NXPE2: variants seen among roughly 807,000 people sequenced by gnomAD.
The protein encoded by NXPE2 is NXPE family member 2.
In NXPE2, 34 loss-of-function variants were observed where a neutral mutation model predicts 34.4. The observed-to-expected ratio is 0.99, with a 90% confidence interval of 0.75 to 1.31. The LOEUF is 1.31. NXPE2 is among the 40% of genes most tolerant of loss of function. The pLI, the probability that NXPE2 is intolerant of heterozygous loss-of-function variation, is 0.00. For synonymous variants in NXPE2, 235 were observed against 231.3 expected (o/e 1.02, Z -0.15); for missense variants, 649 against 672.5 (o/e 0.97, Z 0.39).
At chr11:114,582,750 A>G in the NXPE2 span, 1 of 1,613,870 alleles carries the variant, frequency 6.2e-7, no homozygotes, top group Non-Finnish European at 8.5e-7. Flanking sequence ...GTGGTCCCTC[A>G]CCTCCAGCAG....
At chr11:114,496,597 C>A in the NXPE2 span, among the ~76,000 whole-genome samples, 3 of 152,118 alleles carry the variant, frequency 2.0e-5, no homozygotes, top group Admixed American at 1.3e-4. Flanking sequence ...ACCTCCTCAA[C>A]ATTTTGTTTT....
chr11:114,522,130 A>G, the NXPE2 span: 5 of 1,614,102 alleles, frequency 3.1e-6, no homozygotes, highest in Non-Finnish European at 4.2e-6. Context: ...GAATATAACC[A>G]TGGAAGTCTC....
At chr11:114,527,841 G>C in the NXPE2 span, 1 of 1,603,308 alleles carries the variant, frequency 6.2e-7, no homozygotes, top group Non-Finnish European at 8.5e-7. Context: ...CCAACTTACT[G>C]TTACAATTAG....
At chr11:114,601,812 TA>T in the NXPE2 span, among the ~76,000 whole-genome samples, 72 of 73,922 alleles carry the variant, frequency 9.7e-4, 1 homozygote, top group East Asian at 0.014. Context: ...ATATATTATA[TA>T]ATTATATATA....
chr11:114,732,905 C>T, the NXPE2 span, among the ~76,000 whole-genome samples: 2 of 152,200 alleles, frequency 1.3e-5, no homozygotes, highest in South Asian at 2.1e-4. Context: ...GCATAACCTA[C>T]TTTCTTAGTT....
At chr11:114,557,262 G>A in the NXPE2 span, among the ~76,000 whole-genome samples, 8 of 151,876 alleles carry the variant, frequency 5.3e-5, no homozygotes, top group African/African-American at 1.9e-4. Context: ...CATTTAGCTT[G>A]TTATAAAAAC....
At chr11:114,745,243 G>A in the NXPE2 span, among the ~76,000 whole-genome samples, 1 of 152,142 alleles carries the variant, frequency 6.6e-6, no homozygotes, top group Non-Finnish European at 1.5e-5. Flanking sequence ...TCTGCAGGCT[G>A]TACAAGAAGC....
At chr11:114,663,640 C>T in the NXPE2 span, among the ~76,000 whole-genome samples, 1 of 120,060 alleles carries the variant, frequency 8.3e-6, no homozygotes. Context: ...TATCTATCAT[C>T]TATCCATCTA....
the NXPE2 span, among the ~76,000 whole-genome samples, chr11:114,744,759 C>T: frequency 1.2e-4 from 18 of 152,156 alleles, no homozygotes; most frequent in African/African-American, 4.1e-4. Context: ...GCAGTGTTTG[C>T]ACCACTGCAC....
chr11:114,608,455 A>C, the NXPE2 span, among the ~76,000 whole-genome samples: 2 of 149,984 alleles, frequency 1.3e-5, no homozygotes, highest in African/African-American at 2.5e-5. Context: ...TGTTACTCAG[A>C]GGATAGTAAG....
At chr11:114,491,550 C>T in the NXPE2 span, among the ~76,000 whole-genome samples, 4 of 152,144 alleles carry the variant, frequency 2.6e-5, no homozygotes, top group African/African-American at 9.7e-5. Context: ...AACACTTTTA[C>T]GTTGTTGGTG....
the NXPE2 span, among the ~76,000 whole-genome samples, chr11:114,525,413 C>T: frequency 6.6e-6 from 1 of 152,014 alleles, no homozygotes; most frequent in Non-Finnish European, 1.5e-5. Flanking sequence ...ACTAGGCTGA[C>T]CCACTCTAAG....
chr11:114,607,492 C>A, the NXPE2 span, among the ~76,000 whole-genome samples: 1 of 151,812 alleles, frequency 6.6e-6, no homozygotes, highest in Non-Finnish European at 1.5e-5. Context: ...AACACCATTA[C>A]CGGCTGGATA....
chr11:114,765,866 G>A, the NXPE2 span, among the ~76,000 whole-genome samples: 2 of 152,078 alleles, frequency 1.3e-5, no homozygotes, highest in Non-Finnish European at 1.5e-5. Flanking sequence ...TCTTCTGAGA[G>A]CTGACTGTCA....
chr11:114,730,405 A>G, the NXPE2 span, among the ~76,000 whole-genome samples: 5 of 152,176 alleles, frequency 3.3e-5, no homozygotes. Context: ...TTACATACAA[A>G]ATTTAGAATA....
chr11:114,538,815 AAC>A, the NXPE2 span, among the ~76,000 whole-genome samples: 2 of 152,004 alleles, frequency 1.3e-5, no homozygotes, highest in South Asian at 4.2e-4. Flanking sequence ...GAGAAATAGG[AAC>A]ACTTTTACAT....
chr11:114,723,130 C>G, the NXPE2 span, among the ~76,000 whole-genome samples: 1 of 152,060 alleles, frequency 6.6e-6, no homozygotes, highest in Non-Finnish European at 1.5e-5. Context: ...TAGTGGATGC[C>G]TCTGGTAGGG....
the NXPE2 span, among the ~76,000 whole-genome samples, chr11:114,807,771 TAGAC>T: frequency 6.6e-6 from 1 of 151,834 alleles, no homozygotes; most frequent in East Asian, 1.9e-4. Context: ...CTGTCAACAT[TAGAC>T]AGATCAAACG....
At chr11:114,681,367 T>A (rs548927543) in intron 2 of NXPE2, among the ~76,000 whole-genome samples, 3 of 152,292 alleles carry the variant, frequency 2.0e-5, no homozygotes, top group Admixed American at 2.0e-4. Flanking sequence ...AAAATGAAAA[T>A]GTGAATATGG....
Sources: gnomAD v4.1 joint callset for allele counts (sites outside exome capture counted in the v4.1 genomes callset) on GRCh38, gnomAD v4.1.1 for gene constraint, MANE v1.5 for transcripts, NCBI Gene and HGNC (gene_info 2026-07-23, HGNC 2026-07-21) for gene names.